The following C1QTNF1 variants were observed in gnomAD, a reference collection of about 807,000 sequenced individuals.
C1QTNF1 encodes C1q and TNF related 1, also known as complement C1q tumor necrosis factor-related protein 1.
C1QTNF1 carries 22 observed loss-of-function variants against 27.8 expected under a neutral mutation model. That is an observed-to-expected ratio of 0.79 (90% CI 0.56 to 1.13). The LOEUF (loss-of-function observed/expected upper bound fraction) is 1.13, where lower values mean the gene tolerates loss of function less well. C1QTNF1 is among the 50% of genes most tolerant of loss of function. The pLI, the probability that C1QTNF1 is intolerant of heterozygous loss-of-function variation, is 0.00. For missense variants in C1QTNF1, 373 were observed against 380.2 expected (o/e 0.98, Z 0.16); for synonymous variants, 166 against 154.3 (o/e 1.08, Z -0.56).
intron 1 of C1QTNF1, among the ~76,000 whole-genome samples, chr17:79,039,217 G>A (rs1269196992): frequency 6.6e-6 from 1 of 152,258 alleles, no homozygotes; most frequent in Non-Finnish European, 1.5e-5. Context: ...TACCATGTTT[G>A]GAGACATTTT....
rs76486423 is a variant in C1QTNF1, at chr17:79,025,763, G to A, written c.-15+1269G>A. 1,863 of 205,538 alleles carry A rather than the reference G, an allele frequency of 9.1e-3. 75 individuals carry two copies. The East Asian group carries it at 0.12, about 14-fold the overall frequency. 12.7% of individuals were successfully genotyped at this position (205,538 alleles called of 1,614,324 possible). ...TGCCAACCGGGGAGGAGGGAACCAAGACAGGGAGATGGGAGCCGAGGTCTG... is the reference window on the plus strand; with the variant it reads ...TGCCAACCGGGGAGGAGGGAACCAAAACAGGGAGATGGGAGCCGAGGTCTG... On this transcript the variant is annotated intron_variant, in intron 1 of 3. Coordinates refer to ENST00000579760, the MANE Select transcript of C1QTNF1 (RefSeq NM_030968.5).
Position 79,043,933 on chromosome 17 carries a change from C to T in C1QTNF1, c.-14-22C>T. On this transcript the variant is annotated intron_variant, in intron 1 of 3. Coordinates refer to ENST00000579760, the MANE Select transcript of C1QTNF1 (RefSeq NM_030968.5). Reference sequence around the variant, plus strand: ...GCTCCTTCCTAACTCGGTGCCTTCCCTGTGTGTTTCTTTCCCACCAGGGCC... The same window carrying T: ...GCTCCTTCCTAACTCGGTGCCTTCCTTGTGTGTTTCTTTCCCACCAGGGCC... 3.7e-6 allele frequency: 6 copies of T among 1,613,010 alleles called. 1 individual carries two copies. Among genetic ancestry groups the T allele is most frequent in the South Asian group, 3.3e-5 (3 of 91,050 alleles).
intron 1 of C1QTNF1, 96 bp from the exon 2 acceptor site, chr17:79,043,859 G>A (rs756018724): frequency 1.8e-5 from 25 of 1,401,524 alleles, no homozygotes; most frequent in Middle Eastern, 3.5e-4. Flanking sequence ...AAGCACCTCC[G>A]ATTTCCAGGC....
intron 1 of C1QTNF1, among the ~76,000 whole-genome samples, chr17:79,038,985 C>A (rs1244879651): frequency 6.6e-6 from 1 of 152,224 alleles, no homozygotes; most frequent in Non-Finnish European, 1.5e-5. Context: ...GCCAAAGTGG[C>A]CTTGTCCCTA....
chr17:79,047,524 C>T lies in C1QTNF1; in HGVS notation c.296-14C>T. ...TTGCTCCATTAACAGCACGCGTTTT[C>T]CCATCCCTTTTAGGGGAGAAGGGTG... On this transcript the variant is annotated splice_polypyrimidine_tract_variant and intron_variant, in intron 3 of 3. Transcript: ENST00000579760. 1 of 1,518,882 alleles carries T rather than the reference C, an allele frequency of 6.6e-7. No individual in the cohort carries two copies. The highest frequency in any genetic ancestry group is 8.8e-7 in the Non-Finnish European group (1 of 1,135,406). The allele number at this position is 1,518,882 out of a possible 1,614,324, so 94.1% of individuals were successfully genotyped here.
rs1568061087 is a variant in C1QTNF1, at chr17:79,030,491, TTCTTTCTTTCTTTC to T, written c.-15+5999_-15+6012del. Among the ~76,000 whole-genome samples, 28 of 91,906 alleles carry T rather than the reference TTCTTTCTTTCTTTC, an allele frequency of 3.0e-4. No individual in the cohort carries two copies. The East Asian group carries it at 7.5e-3, about 25-fold the overall frequency. The allele number at this position is 91,906 out of a possible 152,430, so 60.3% of individuals were successfully genotyped here. A position where few individuals can be genotyped will look rare whatever the true frequency, so the allele number is the denominator to read the frequency against. On this transcript the variant is annotated intron_variant, in intron 1 of 3. Coordinates refer to ENST00000579760, the MANE Select transcript of C1QTNF1 (RefSeq NM_030968.5). ...TCTTTCTTTCTTTCTTTCTTTTTCT[TTCTTTCTTTCTTTC>T]TTTCTTTCTTTCTTTCTTTCTTTCT...
At chr17:79,044,455 T>C (rs2072513528) in intron 2 of C1QTNF1, among the ~76,000 whole-genome samples, 1 of 152,166 alleles carries the variant, frequency 6.6e-6, no homozygotes, top group Non-Finnish European at 1.5e-5. Flanking sequence ...TCTCACTTTG[T>C]CCGCTGAGAA....
intron 1 of C1QTNF1, among the ~76,000 whole-genome samples, chr17:79,042,920 G>A (rs2072451928): frequency 6.6e-6 from 1 of 152,184 alleles, no homozygotes; most frequent in Admixed American, 6.5e-5. Context: ...GGGCGTGCAC[G>A]TGAGTGTGCA....
At chr17:79,030,946 G>A (rs185339617) in intron 1 of C1QTNF1, among the ~76,000 whole-genome samples, 164 of 150,918 alleles carry the variant, frequency 1.1e-3, no homozygotes, top group African/African-American at 3.9e-3. Flanking sequence ...TTACAGAGAC[G>A]CCTAACTGGT....
At chr17:79,041,391 A>T (rs375267341) in intron 1 of C1QTNF1, among the ~76,000 whole-genome samples, 2 of 152,250 alleles carry the variant, frequency 1.3e-5, no homozygotes, top group African/African-American at 4.8e-5. Flanking sequence ...GTCACCTCGG[A>T]GGCTCTATCG....
At position 79,044,074 on chromosome 17, in the gene C1QTNF1, G is replaced by A; in HGVS notation, c.106G>A (p.Glu36Lys). 1 of 1,613,872 alleles carries A rather than the reference G, an allele frequency of 6.2e-7. No homozygotes were observed. Among genetic ancestry groups the A allele is most frequent in the Non-Finnish European group, 8.5e-7 (1 of 1,179,884 alleles). Residue 36 changes from glutamate (E) to lysine (K), a missense_variant, in exon 2 of 4, where the codon GAG (glutamate) becomes AAG (lysine). Glu to Lys is a moderately conservative substitution (Grantham distance 56). Transcript: ENST00000579760. ...RVPHVQGEQQ[E>K]WEGTEELPSP... ...GCCCCATGTCCAGGGGGAACAGCAG[G>A]AGTGGGAGGGGACTGAGGAGCTGCC...
At chr17:79,035,751 G>C (rs576557896) in intron 1 of C1QTNF1, among the ~76,000 whole-genome samples, 1 of 152,154 alleles carries the variant, frequency 6.6e-6, no homozygotes, top group Non-Finnish European at 1.5e-5. Flanking sequence ...TCTTGAACTG[G>C]ACACCACTAG....
At chr17:79,047,449 C>G (rs992414565) in intron 3 of C1QTNF1, 89 bp from the exon 4 acceptor site, 2 of 1,324,372 alleles carry the variant, frequency 1.5e-6, no homozygotes, top group Admixed American at 4.6e-5. Flanking sequence ...CGAATCAGGA[C>G]AGCGCCAGGG....
chr17:79,045,603 G>A (rs556775836), intron 2 of C1QTNF1, among the ~76,000 whole-genome samples: 1 of 152,326 alleles, frequency 6.6e-6, no homozygotes, highest in African/African-American at 2.4e-5. Context: ...CCAGGGGGTT[G>A]GCGGAGGGAG....
chr17:79,046,416 C>T lies in C1QTNF1; in HGVS notation c.156-139C>T, dbSNP rs568232350. On this transcript the variant is annotated intron_variant, in intron 2 of 3. Coordinates refer to ENST00000579760, the MANE Select transcript of C1QTNF1 (RefSeq NM_030968.5). The surrounding 1 kb of genome is among the most constrained non-coding windows in gnomAD (Gnocchi z 4.8). ...CCAGAGTGGGCCGTGAGCCCACCAGCGTGAACACAGAGCCTTGTGGGTCCA... is the reference window on the plus strand; with the variant it reads ...CCAGAGTGGGCCGTGAGCCCACCAGTGTGAACACAGAGCCTTGTGGGTCCA... The T allele has an allele frequency of 1.4e-5, 17 of 1,199,070 alleles. No homozygotes were observed. The highest frequency in any genetic ancestry group is 3.0e-5 in the African/African-American group (2 of 66,076). The allele number at this position is 1,199,070 out of a possible 1,614,324, so 74.3% of individuals were successfully genotyped here.
intron 3 of C1QTNF1, chr17:79,047,182 G>T (rs1488905697): frequency 3.7e-6 from 1 of 273,342 alleles, no homozygotes; most frequent in African/African-American, 2.2e-5. Flanking sequence ...CGGTCTGGCC[G>T]CAGAGCCCAT....
rs566478936 is a variant in C1QTNF1, at chr17:79,046,613, C to A, written c.214C>A (p.Arg72=). Residue 72 remains arginine, a synonymous_variant, in exon 3 of 4, where the codon CGG becomes AGG. Coordinates refer to ENST00000579760, the MANE Select transcript of C1QTNF1 (RefSeq NM_030968.5). The surrounding 1 kb of genome is among the most constrained non-coding windows in gnomAD (Gnocchi z 4.8). ...PSQDQGLPAS[R]CLRCCDPGTS... is the part of the protein sequence containing the mutation. ...TCAGGACCAGGGGCTCCCTGCTTCC[C>A]GGTGCTTGCGCTGCTGTGACCCCGG... 1 of 1,614,230 alleles carries A rather than the reference C, an allele frequency of 6.2e-7. No individual in the cohort carries two copies.
chr17:79,046,825 G>A lies in C1QTNF1; in HGVS notation c.295+131G>A. 2 of 1,230,422 alleles carry A rather than the reference G, an allele frequency of 1.6e-6. No homozygotes were observed. The highest frequency in any genetic ancestry group is 2.3e-6 in the Non-Finnish European group (2 of 888,634). 76.2% of individuals were successfully genotyped at this position (1,230,422 alleles called of 1,614,324 possible). A position where few individuals can be genotyped will look rare whatever the true frequency, so the allele number is the denominator to read the frequency against. On this transcript the variant is annotated intron_variant, in intron 3 of 3. Coordinates refer to ENST00000579760, the MANE Select transcript of C1QTNF1 (RefSeq NM_030968.5). The surrounding 1 kb of genome is among the most constrained non-coding windows in gnomAD (Gnocchi z 4.8). ...CCCTCGGGACAGGGAGCAGAGGCAG[G>A]CAGGCTGTCATCTAGAGGGGAAGGC...
intron 1 of C1QTNF1, among the ~76,000 whole-genome samples, chr17:79,032,322 C>T (rs570429061): frequency 5.9e-5 from 9 of 152,220 alleles, no homozygotes; most frequent in South Asian, 4.1e-4. Flanking sequence ...TGCCAGAGGA[C>T]GAGACCTCAA....
Sources: gnomAD v4.1 joint callset for allele counts (sites outside exome capture counted in the v4.1 genomes callset) on GRCh38, gnomAD v4.1.1 for gene constraint, Gnocchi (gnomAD v3.1) non-coding constraint, MANE v1.5 for transcripts, NCBI Gene and HGNC (gene_info 2026-07-23, HGNC 2026-07-21) for gene names.